STK32B: variants seen among roughly 807,000 people sequenced by gnomAD.
The protein encoded by STK32B is serine/threonine-protein kinase 32B.
Under a neutral mutation model 52.6 loss-of-function variants are expected in STK32B, and 43 were observed. That is an observed-to-expected ratio of 0.82 (90% CI 0.64 to 1.05). The LOEUF (loss-of-function observed/expected upper bound fraction) is 1.05. STK32B is among the 50% of genes least tolerant of loss of function. STK32B has a pLI of 0.00. For synonymous variants in STK32B, 238 were observed against 204.3 expected (o/e 1.17, Z -1.41); for missense variants, 621 against 534.6 (o/e 1.16, Z -1.59).
chr4:5,276,002 A>G lies in STK32B; in HGVS notation c.261-55218A>G, dbSNP rs184474241. Among the ~76,000 whole-genome samples the G allele has an allele frequency of 2.0e-3, 305 of 152,244 alleles. 5 individuals carry two copies. The highest frequency in any genetic ancestry group is 5.1e-3 in the African/African-American group (213 of 41,558). ...ACAGCCAGCCTATATTTTAAAAGAC[A>G]TTTAGGCCGGGCATGGTGGCTCATG... On this transcript the variant is annotated intron_variant, in intron 3 of 11. Coordinates refer to ENST00000282908, the MANE Select transcript of STK32B (RefSeq NM_018401.3).
chr4:5,178,651 A>C (rs1273106832), intron 3 of STK32B, among the ~76,000 whole-genome samples: 1 of 152,186 alleles, frequency 6.6e-6, no homozygotes, highest in Non-Finnish European at 1.5e-5. Context: ...CTTCTGCCAG[A>C]TACCCTGAAT....
chr4:5,109,517 G>A (rs541691354), intron 1 of STK32B, among the ~76,000 whole-genome samples: 1 of 152,292 alleles, frequency 6.6e-6, no homozygotes, highest in Admixed American at 6.5e-5. Context: ...AGGACCGTGT[G>A]ATCATCTCAG....
intron 4 of STK32B, among the ~76,000 whole-genome samples, chr4:5,338,361 C>T (rs547005578): frequency 6.6e-6 from 1 of 152,334 alleles, no homozygotes; most frequent in African/African-American, 2.4e-5. Context: ...CATTCTGGTT[C>T]TGGAATCTGT....
intron 1 of STK32B, among the ~76,000 whole-genome samples, chr4:5,087,103 GTTA>G (rs1369293711): frequency 1.3e-5 from 2 of 152,056 alleles, no homozygotes; most frequent in Non-Finnish European, 2.9e-5. Context: ...ATTGTATAAA[GTTA>G]TTAAATCTAT....
At chr4:5,020,813 C>T in the STK32B span, among the ~76,000 whole-genome samples, 4 of 152,192 alleles carry the variant, frequency 2.6e-5, no homozygotes, top group South Asian at 2.1e-4. Flanking sequence ...CCATTGGGAA[C>T]GCTATGACCC....
At chr4:5,162,578 A>T (rs1165189435) in intron 2 of STK32B, among the ~76,000 whole-genome samples, 1 of 152,132 alleles carries the variant, frequency 6.6e-6, no homozygotes, top group African/African-American at 2.4e-5. Context: ...GCATTTATTT[A>T]TTTGTCCCAT....
intron 11 of STK32B, among the ~76,000 whole-genome samples, chr4:5,496,641 C>T (rs367877600): frequency 9.9e-5 from 15 of 152,168 alleles, no homozygotes; most frequent in Middle Eastern, 3.4e-3. Context: ...CCATCTTCTG[C>T]GTCGCTCACA....
chr4:5,333,744 C>T (rs1011474880), intron 4 of STK32B, among the ~76,000 whole-genome samples: 1 of 152,140 alleles, frequency 6.6e-6, no homozygotes, highest in African/African-American at 2.4e-5. Context: ...ATCCTTTCCC[C>T]ATTGCTTGTT....
intron 4 of STK32B, among the ~76,000 whole-genome samples, chr4:5,350,289 C>T (rs1222261710): frequency 1.3e-5 from 2 of 152,058 alleles, no homozygotes; most frequent in Non-Finnish European, 2.9e-5. Flanking sequence ...TTTAAAACTG[C>T]AAGTCAAGGA....
chr4:5,329,845 G>A (rs976669095), intron 3 of STK32B, among the ~76,000 whole-genome samples: 1 of 152,162 alleles, frequency 6.6e-6, no homozygotes, highest in South Asian at 2.1e-4. Flanking sequence ...CCTCTTTCCT[G>A]GACCCCAGTC....
chr4:5,313,347 A>T (rs578135363), intron 3 of STK32B, among the ~76,000 whole-genome samples: 1 of 152,040 alleles, frequency 6.6e-6, no homozygotes, highest in East Asian at 1.9e-4. Context: ...GTAAACATTC[A>T]TGATAAAAAC....
intron 1 of STK32B, among the ~76,000 whole-genome samples, chr4:5,124,761 CGT>C (rs1393706810): frequency 6.6e-6 from 1 of 152,116 alleles, no homozygotes; most frequent in Non-Finnish European, 1.5e-5. Flanking sequence ...TATAGATGCA[CGT>C]GTGTGTTTTA....
At chr4:5,434,090 G>A (rs1713822158) in intron 6 of STK32B, among the ~76,000 whole-genome samples, 3 of 152,158 alleles carry the variant, frequency 2.0e-5, no homozygotes, top group Admixed American at 2.0e-4. Context: ...CCAGGCCATT[G>A]CAGGGCAGCC....
At chr4:5,110,134 T>A (rs1714317923) in intron 1 of STK32B, among the ~76,000 whole-genome samples, 1 of 151,986 alleles carries the variant, frequency 6.6e-6, no homozygotes, top group Non-Finnish European at 1.5e-5. Flanking sequence ...CATCCTATGC[T>A]CATGAATTGG....
chr4:5,284,762 G>A lies in STK32B; in HGVS notation c.261-46458G>A, dbSNP rs142733675. Among the ~76,000 whole-genome samples, 486 of 152,244 alleles carry A rather than the reference G, an allele frequency of 3.2e-3. 3 individuals are homozygous for A. Among genetic ancestry groups the A allele is most frequent in the African/African-American group, 0.011 (454 of 41,540 alleles). ...CATATGATACTAATCATCTCCACGT[G>A]AGCAGCTCATCTTTCCAGTAAATTG... On this transcript the variant is annotated intron_variant, in intron 3 of 11. Transcript: ENST00000282908.
At chr4:5,128,536 C>T (rs1029044888) in intron 1 of STK32B, among the ~76,000 whole-genome samples, 3 of 151,928 alleles carry the variant, frequency 2.0e-5, no homozygotes, top group African/African-American at 4.8e-5. Flanking sequence ...GAGTGTGGAG[C>T]GAGGGGTAAA....
rs1741786390 is a variant in STK32B, at chr4:5,051,658, G to A, written c.-206G>A. 4 of 577,698 alleles carry A rather than the reference G, an allele frequency of 6.9e-6. No individual in the cohort carries two copies. Among genetic ancestry groups the A allele is most frequent in the South Asian group, 2.4e-5 (1 of 41,976 alleles). 35.8% of individuals were successfully genotyped at this position (577,698 alleles called of 1,614,324 possible). A position where few individuals can be genotyped will look rare whatever the true frequency, so the allele number is the denominator to read the frequency against. On this transcript the variant is annotated 5_prime_UTR_variant, in exon 1 of 12. Coordinates refer to ENST00000282908, the MANE Select transcript of STK32B (RefSeq NM_018401.3). ...CGGCGGAAGGCGCGGCGAGAGCGGGGTCCCTGCGAGCGCAGTCGGAAGGGC... is the reference window on the plus strand; with the variant it reads ...CGGCGGAAGGCGCGGCGAGAGCGGGATCCCTGCGAGCGCAGTCGGAAGGGC...
At position 5,149,030 on chromosome 4, in the gene STK32B, C is replaced by T. The variant is rs557642430; in HGVS notation, c.108+9070C>T. ...TTATTTTCTTTGAGATCAGAGTACC[C>T]ATTCTAATCTACTTATGCTTATTGC... On this transcript the variant is annotated intron_variant, in intron 2 of 11. Transcript: ENST00000282908. Among the ~76,000 whole-genome samples the T allele has an allele frequency of 7.2e-5, 11 of 151,794 alleles. 1 individual carries two copies. The South Asian group carries it at 2.3e-3, about 32-fold the overall frequency.
intron 11 of STK32B, among the ~76,000 whole-genome samples, chr4:5,484,235 A>G (rs557859765): frequency 6.6e-5 from 10 of 152,274 alleles, no homozygotes; most frequent in South Asian, 6.2e-4. Context: ...GTCTCTTTGT[A>G]GGTCTCTAAG....
Sources: gnomAD v4.1 joint callset for allele counts (sites outside exome capture counted in the v4.1 genomes callset) on GRCh38, gnomAD v4.1.1 for gene constraint, MANE v1.5 for transcripts, NCBI Gene and HGNC (gene_info 2026-07-23, HGNC 2026-07-21) for gene names.